The following PGCKA1 variants were observed in gnomAD, a reference collection of about 807,000 sequenced individuals.
PGCKA1 encodes PDCD10 and GCKIII kinases-associated protein 1.
At chr4:37,523,947 C>T in the PGCKA1 span, among the ~76,000 whole-genome samples, 1 of 152,206 alleles carries the variant, frequency 6.6e-6, no homozygotes, top group African/African-American at 2.4e-5. Context: ...TAATCCTCTC[C>T]AGGGCTTCAG....
chr4:37,521,485 G>A, the PGCKA1 span, among the ~76,000 whole-genome samples: 1 of 152,098 alleles, frequency 6.6e-6, no homozygotes, highest in African/African-American at 2.4e-5. Flanking sequence ...CCATGTATCT[G>A]TATAGTTTCC....
chr4:37,591,032 T>C, the PGCKA1 span: 1 of 1,556,262 alleles, frequency 6.4e-7, no homozygotes, highest in East Asian at 2.3e-5. Context: ...GGTAAGCTGG[T>C]GTCATGCTGA....
chr4:37,483,669 G>C, the PGCKA1 span, among the ~76,000 whole-genome samples: 1 of 152,238 alleles, frequency 6.6e-6, no homozygotes, highest in African/African-American at 2.4e-5. Flanking sequence ...CAAAGATGGA[G>C]GTGTTAGTGG....
the PGCKA1 span, among the ~76,000 whole-genome samples, chr4:37,522,446 T>C: frequency 1.3e-5 from 2 of 152,104 alleles, no homozygotes; most frequent in Admixed American, 6.5e-5. Context: ...TGGTGAATGC[T>C]ACCTGTCCTG....
the PGCKA1 span, among the ~76,000 whole-genome samples, chr4:37,534,135 GT>G: frequency 6.6e-6 from 1 of 152,120 alleles, no homozygotes; most frequent in Admixed American, 6.6e-5. Context: ...TAATCATCTT[GT>G]TTTTCTTTTT....
chr4:37,537,192 T>C, the PGCKA1 span, among the ~76,000 whole-genome samples: 1 of 152,262 alleles, frequency 6.6e-6, no homozygotes. Context: ...ACAGGTATGT[T>C]CTGCCCTCCA....
the PGCKA1 span, among the ~76,000 whole-genome samples, chr4:37,489,150 AG>A: frequency 0.059 from 8,989 of 152,268 alleles, 933 homozygotes; most frequent in African/African-American, 0.2. Flanking sequence ...CAATTATGCA[AG>A]ATGAATAAGT....
chr4:37,500,836 CT>C, the PGCKA1 span, among the ~76,000 whole-genome samples: 2 of 152,170 alleles, frequency 1.3e-5, no homozygotes, highest in African/African-American at 4.8e-5. Context: ...AGGATAGTTT[CT>C]TGTTGAATTG....
the PGCKA1 span, among the ~76,000 whole-genome samples, chr4:37,476,557 A>G: frequency 2.0e-5 from 3 of 152,186 alleles, no homozygotes; most frequent in African/African-American, 7.2e-5. Context: ...TGTGGCTAAA[A>G]GCATGTGCTT....
At chr4:37,534,454 A>C in the PGCKA1 span, among the ~76,000 whole-genome samples, 3 of 152,346 alleles carry the variant, frequency 2.0e-5, no homozygotes, top group East Asian at 5.8e-4. Flanking sequence ...AGGGTCAGTT[A>C]GCTGATTATT....
At chr4:37,504,220 T>G in the PGCKA1 span, among the ~76,000 whole-genome samples, 1 of 152,190 alleles carries the variant, frequency 6.6e-6, no homozygotes, top group Non-Finnish European at 1.5e-5. Context: ...GGCAACTTTA[T>G]CAAAAATGAG....
At chr4:37,561,734 G>A in the PGCKA1 span, among the ~76,000 whole-genome samples, 1 of 152,192 alleles carries the variant, frequency 6.6e-6, no homozygotes, top group Non-Finnish European at 1.5e-5. Flanking sequence ...CTGCACAATT[G>A]CTCTCAGGGG....
At chr4:37,560,217 CTG>C in the PGCKA1 span, among the ~76,000 whole-genome samples, 1 of 152,216 alleles carries the variant, frequency 6.6e-6, no homozygotes, top group East Asian at 1.9e-4. Flanking sequence ...TGCCAGGTCA[CTG>C]GTCTTGCTTT....
the PGCKA1 span, among the ~76,000 whole-genome samples, chr4:37,571,355 C>CATTTTTTTTTTTTTTTTTTTTTTTTTTTT: frequency 2.6e-5 from 2 of 78,036 alleles, no homozygotes; most frequent in Admixed American, 1.8e-4. Context: ...GACTATTATC[C>CATTTTTTTTTTTTTTTTTTTTTTTTTTTT]TTTTTTTTTT....
At chr4:37,494,534 AT>A in the PGCKA1 span, among the ~76,000 whole-genome samples, 1 of 152,158 alleles carries the variant, frequency 6.6e-6, no homozygotes, top group African/African-American at 2.4e-5. Flanking sequence ...ACTGATGGGC[AT>A]TTAGGTTGAT....
At chr4:37,498,713 C>T in the PGCKA1 span, among the ~76,000 whole-genome samples, 1 of 152,098 alleles carries the variant, frequency 6.6e-6, no homozygotes, top group Non-Finnish European at 1.5e-5. Context: ...TGTTTATCAG[C>T]TTAAGGAGCT....
At chr4:37,459,120 A>T in the PGCKA1 span, among the ~76,000 whole-genome samples, 1 of 152,158 alleles carries the variant, frequency 6.6e-6, no homozygotes, top group Non-Finnish European at 1.5e-5. Context: ...ATTACTAAGT[A>T]TTATACGGCT....
chr4:37,453,769 A>T, the PGCKA1 span, among the ~76,000 whole-genome samples: 1 of 151,912 alleles, frequency 6.6e-6, no homozygotes, highest in Admixed American at 6.5e-5. Flanking sequence ...GGCCCCGGGG[A>T]TGTCGGACAT....
At chr4:37,520,190 A>G in the PGCKA1 span, among the ~76,000 whole-genome samples, 1 of 152,178 alleles carries the variant, frequency 6.6e-6, no homozygotes, top group African/African-American at 2.4e-5. Flanking sequence ...TTTTTGCCTC[A>G]ATATTTATCA....
Sources: gnomAD v4.1 joint callset for allele counts (sites outside exome capture counted in the v4.1 genomes callset) on GRCh38, gnomAD v4.1.1 for gene constraint, MANE v1.5 for transcripts, NCBI Gene and HGNC (gene_info 2026-07-23, HGNC 2026-07-21) for gene names.